Variants in NLK observed in about 807,000 individuals in gnomAD.
NLK encodes the protein nemo like kinase.
In NLK, 11 loss-of-function variants were observed where a neutral mutation model predicts 59.0. That is an observed-to-expected ratio of 0.19 (90% CI 0.12 to 0.31). NLK has a LOEUF of 0.31. Ranked by LOEUF, NLK falls within the 10% of genes least tolerant of loss-of-function variation. The pLI is 1.00. For synonymous variants in NLK, 235 were observed against 235.9 expected (o/e 1.00, Z 0.03); for missense variants, 410 against 661.1 (o/e 0.62, Z 4.16).
intron 3 of NLK, among the ~76,000 whole-genome samples, chr17:28,158,971 A>C (rs371361021): frequency 9.8e-5 from 15 of 152,366 alleles, no homozygotes; most frequent in Non-Finnish European, 2.1e-4. Context: ...CATGTGGTCC[A>C]TCATCAACGA....
At chr17:28,049,809 C>T (rs1285287955) in intron 1 of NLK, among the ~76,000 whole-genome samples, 2 of 152,024 alleles carry the variant, frequency 1.3e-5, no homozygotes, top group African/African-American at 2.4e-5. Context: ...GGTGAAATCC[C>T]GTCTCTACTA....
At chr17:28,059,596 A>G (rs1484432579) in intron 1 of NLK, among the ~76,000 whole-genome samples, 7 of 152,326 alleles carry the variant, frequency 4.6e-5, no homozygotes, top group East Asian at 1.9e-4. Context: ...AAAAAGTTCA[A>G]TTCTAAGCTC....
intron 3 of NLK, among the ~76,000 whole-genome samples, chr17:28,142,879 G>A (rs1326571639): frequency 6.6e-6 from 1 of 152,150 alleles, no homozygotes. Flanking sequence ...GCTTAAGCAT[G>A]TTTTAACTGT....
rs539433206 is a variant in NLK, at chr17:28,179,690, C to T, written c.1150-5489C>T. On this transcript the variant is annotated intron_variant, in intron 7 of 10. Coordinates refer to ENST00000407008, the MANE Select transcript of NLK (RefSeq NM_016231.5). ...CAGAGGTTGCAGTGAGCCAAGATCG[C>T]GCCTCTGCACTCTAGCCTGGGTGAC... is the stretch of plus-strand genomic sequence containing the variant. Among the ~76,000 whole-genome samples, 7 of 152,058 alleles carry T rather than the reference C, an allele frequency of 4.6e-5. No individual in the cohort carries two copies. In the East Asian group the frequency reaches 1.4e-3, roughly 30 times the overall value.
chr17:28,172,287 AATTT>A (rs1326057665), intron 6 of NLK, among the ~76,000 whole-genome samples: 3 of 148,964 alleles, frequency 2.0e-5, no homozygotes, highest in Non-Finnish European at 3.0e-5. Flanking sequence ...TTACATGAGG[AATTT>A]ATTTATTTTA....
chr17:28,194,590 T>C lies in NLK; in HGVS notation c.1538T>C (p.Val513Ala). ...AAFKSFISST[V>A]AQPSEMPPSP... ...TCTCTGTTTTCTTCCAGTTCCACTG[T>C]TGCTCAGCCATCTGAGATGCCCCCA... The change falls in exon 11 of 11, where the codon GTT (valine) becomes GCT (alanine). Residue 513 changes from valine to alanine, a missense_variant. By Grantham distance (64) the Val-to-Ala change is moderately conservative. This residue lies in a region of NLK where 25 missense variants were observed against 29.7 expected (regional missense o/e 0.84). Coordinates refer to ENST00000407008, the MANE Select transcript of NLK (RefSeq NM_016231.5). 6.3e-7 allele frequency: 1 copy of C among 1,597,794 alleles called. No homozygotes were observed. The highest frequency in any genetic ancestry group is 8.6e-7 in the Non-Finnish European group (1 of 1,167,606).
intron 3 of NLK, among the ~76,000 whole-genome samples, chr17:28,151,111 T>C (rs1359884716): frequency 6.6e-6 from 1 of 152,208 alleles, no homozygotes; most frequent in Non-Finnish European, 1.5e-5. Flanking sequence ...ATGGCACCTC[T>C]GAGTCCCTGT....
intron 1 of NLK, among the ~76,000 whole-genome samples, chr17:28,056,150 T>C (rs185775575): frequency 3.3e-4 from 50 of 152,300 alleles, no homozygotes; most frequent in Non-Finnish European, 4.6e-4. Context: ...TTATTTAGAG[T>C]TGGGATCATG....
intron 1 of NLK, among the ~76,000 whole-genome samples, chr17:28,058,626 G>A (rs1053137969): frequency 2.0e-5 from 3 of 152,152 alleles, no homozygotes; most frequent in Non-Finnish European, 2.9e-5. Flanking sequence ...TGGCCCATGT[G>A]TGTATTCTCA....
At chr17:28,123,757 T>A (rs1216699673) in intron 2 of NLK, among the ~76,000 whole-genome samples, 1 of 152,186 alleles carries the variant, frequency 6.6e-6, no homozygotes, top group East Asian at 1.9e-4. Context: ...AGACTCGTGT[T>A]TTGACAGAAC....
rs771517009 is a variant in NLK at position 28,168,620 on chromosome 17, G to A, written c.1010G>A (p.Arg337Gln). 1 of 1,613,818 alleles carries A rather than the reference G, an allele frequency of 6.2e-7. No individual in the cohort carries two copies. Among genetic ancestry groups the A allele is most frequent in the East Asian group, 2.2e-5 (1 of 44,878 alleles). Residue 337 changes from arginine to glutamine, a missense_variant, in exon 6 of 11, where the codon CGA becomes CAA. This residue lies in a region of NLK where 150 missense variants were observed against 244.3 expected (regional missense o/e 0.61). Coordinates refer to ENST00000407008, the MANE Select transcript of NLK (RefSeq NM_016231.5). Reference sequence around the variant, plus strand: ...TGTATCTTTGCAGAACTACTAGGACGAAGAATATTGTTTCAGGCACAGAGT... The same window carrying A: ...TGTATCTTTGCAGAACTACTAGGACAAAGAATATTGTTTCAGGCACAGAGT... ...VGCIFAELLG[R>Q]RILFQAQSPI... is the part of the protein sequence containing the mutation.
At chr17:28,205,739 T>TA in the NLK span, among the ~76,000 whole-genome samples, 15 of 151,786 alleles carry the variant, frequency 9.9e-5, no homozygotes, top group East Asian at 3.9e-4. Flanking sequence ...ATATTTAGCT[T>TA]AAAAAAAAAT....
chr17:28,126,625 A>G (rs964946612), intron 2 of NLK, among the ~76,000 whole-genome samples: 1 of 152,200 alleles, frequency 6.6e-6, no homozygotes, highest in Non-Finnish European at 1.5e-5. Flanking sequence ...TTTTCTTTTG[A>G]AAGGAACCTT....
At chr17:28,112,230 A>G (rs1482855195) in intron 1 of NLK, among the ~76,000 whole-genome samples, 2 of 152,074 alleles carry the variant, frequency 1.3e-5, no homozygotes, top group Non-Finnish European at 2.9e-5. Context: ...CAGCCTTTGA[A>G]TAACAGAGCT....
At chr17:28,131,586 T>TAAAAAAAAAAAA (rs35804817) in intron 2 of NLK, among the ~76,000 whole-genome samples, 1 of 83,730 alleles carries the variant, frequency 1.2e-5, no homozygotes, top group African/African-American at 4.7e-5. Flanking sequence ...TTCTCTGTAG[T>TAAAAAAAAAAAA]AAAAAAAAAA....
intron 2 of NLK, among the ~76,000 whole-genome samples, chr17:28,130,067 T>C (rs1906455049): frequency 6.6e-6 from 1 of 152,226 alleles, no homozygotes; most frequent in Non-Finnish European, 1.5e-5. Context: ...TTGTATTTTT[T>C]TGTATTTGAA....
downstream of NLK, among the ~76,000 whole-genome samples, chr17:28,198,785 A>T (rs542208107): frequency 3.9e-5 from 6 of 152,344 alleles, no homozygotes; most frequent in African/African-American, 1.4e-4. Context: ...TGCCAACTAC[A>T]GGGACAATTT....
At chr17:28,178,655 G>A (rs187813757) in intron 7 of NLK, among the ~76,000 whole-genome samples, 5 of 152,232 alleles carry the variant, frequency 3.3e-5, no homozygotes, top group Admixed American at 2.0e-4. Flanking sequence ...ATATTTTTGC[G>A]AAGTGAAGAT....
intron 1 of NLK, among the ~76,000 whole-genome samples, chr17:28,085,233 G>A (rs1407248271): frequency 1.3e-5 from 2 of 152,144 alleles, no homozygotes; most frequent in South Asian, 2.1e-4. Context: ...ACACTATTCT[G>A]TTAGCACATG....
Sources: gnomAD v4.1 joint callset for allele counts (sites outside exome capture counted in the v4.1 genomes callset) on GRCh38, gnomAD v4.1.1 for gene constraint, gnomAD v4.1.1 regional missense constraint, MANE v1.5 for transcripts, NCBI Gene and HGNC (gene_info 2026-07-23, HGNC 2026-07-21) for gene names.